The following ADGRL3 variants were observed in gnomAD, a reference collection of about 807,000 sequenced individuals.
The protein encoded by ADGRL3 is calcium-independent alpha-latrotoxin receptor 3.
In ADGRL3, 62 loss-of-function variants were observed where a neutral mutation model predicts 153.5. The ratio of observed to expected loss-of-function variants is 0.40; its 90% CI spans 0.33 to 0.50. The LOEUF (loss-of-function observed/expected upper bound fraction) is 0.50, where lower values mean the gene tolerates loss of function less well. Ranked by LOEUF, ADGRL3 falls within the 20% of genes least tolerant of loss-of-function variation. ADGRL3 has a pLI of 0.47. For synonymous variants in ADGRL3, 710 were observed against 672.5 expected, an observed-to-expected ratio of 1.06 and a Z score of -0.86; for missense variants, 1,641 against 1,859.4, an observed-to-expected ratio of 0.88 and a Z score of 2.16.
intron 1 of ADGRL3, among the ~76,000 whole-genome samples, chr4:61,297,873 A>G (rs986071854): frequency 6.6e-6 from 1 of 152,040 alleles, no homozygotes; most frequent in African/African-American, 2.4e-5. Context: ...CACTGCTACT[A>G]CTACTGACCA....
chr4:61,506,582 G>T (rs557557576), intron 3 of ADGRL3, among the ~76,000 whole-genome samples: 1 of 152,212 alleles, frequency 6.6e-6, no homozygotes, highest in African/African-American at 2.4e-5. Context: ...GCTATTCAAA[G>T]TGCAATTCTG....
chr4:61,758,968 G>T (rs1396227415), intron 8 of ADGRL3, among the ~76,000 whole-genome samples: 4 of 152,038 alleles, frequency 2.6e-5, no homozygotes, highest in South Asian at 2.1e-4. Flanking sequence ...TGAAATTCTG[G>T]GTTGAAAATT....
chr4:61,641,758 T>C (rs75200406), intron 5 of ADGRL3, among the ~76,000 whole-genome samples: 55,635 of 150,840 alleles, frequency 0.37, 11,891 homozygotes, highest in Non-Finnish European at 0.5. Flanking sequence ...CGTGTGCATG[T>C]GTCTTTATAG....
chr4:61,656,809 T>A (rs534609846), intron 5 of ADGRL3, among the ~76,000 whole-genome samples: 2 of 152,294 alleles, frequency 1.3e-5, no homozygotes, highest in East Asian at 3.9e-4. Context: ...TGCTTGCTAG[T>A]TGACTAATTG....
intron 5 of ADGRL3, among the ~76,000 whole-genome samples, chr4:61,634,597 C>T (rs1190531494): frequency 6.6e-6 from 1 of 151,940 alleles, no homozygotes; most frequent in Non-Finnish European, 1.5e-5. Flanking sequence ...TCAAAACACA[C>T]AGCTCCGAAG....
chr4:61,668,659 C>T (rs748849916), intron 5 of ADGRL3, among the ~76,000 whole-genome samples: 3 of 152,090 alleles, frequency 2.0e-5, no homozygotes. Flanking sequence ...CATGCATTGG[C>T]ATAATGTCCT....
In ADGRL3 at chr4:62,063,557, T is replaced by A. The variant is rs901669641; in HGVS notation, c.3815-4609T>A. ...ATGCTCTGCTTCGTCCGCATGGTAC[T>A]AACAATCCCTATAATACATTGCTTG... On this transcript the variant is annotated intron_variant, in intron 25 of 26. Coordinates refer to ENST00000683033, the MANE Select transcript of ADGRL3 (RefSeq NM_001387552.1). The A allele has an allele frequency of 5.7e-6, 4 of 700,370 alleles. No individual in the cohort carries two copies. The African/African-American group carries it at 7.0e-5, about 12-fold the overall frequency. 43.4% of individuals were successfully genotyped at this position (700,370 alleles called of 1,614,324 possible). A position where few individuals can be genotyped will look rare whatever the true frequency, so the allele number is the denominator to read the frequency against.
chr4:61,329,647 A>G (rs1578291240), intron 1 of ADGRL3, among the ~76,000 whole-genome samples: 1 of 152,306 alleles, frequency 6.6e-6, no homozygotes, highest in African/African-American at 2.4e-5. Flanking sequence ...ATTGATGTTC[A>G]GTAAACTGTT....
chr4:61,787,611 G>A (rs889229003), intron 8 of ADGRL3, among the ~76,000 whole-genome samples: 5 of 152,030 alleles, frequency 3.3e-5, no homozygotes, highest in African/African-American at 9.7e-5. Flanking sequence ...TTTTCCGCTA[G>A]TTTATCAGTA....
In ADGRL3 at chr4:61,732,920, C is replaced by T. The variant is rs1189042495; in HGVS notation, c.765C>T (p.Ser255=). The part of the protein sequence containing the change: ...YRTDTLTEYS[S]KDDFIAGRPT... Reference sequence around the variant, plus strand: ...CTGATACCCTGACTGAGTATTCATCCAAGGATGACTTCATTGCTGGAAGAC... The same window carrying T: ...CTGATACCCTGACTGAGTATTCATCTAAGGATGACTTCATTGCTGGAAGAC... Residue 255 remains serine, a synonymous_variant, in exon 8 of 27, where the codon TCC becomes TCT. Coordinates refer to ENST00000683033, the MANE Select transcript of ADGRL3 (RefSeq NM_001387552.1). 6.2e-7 allele frequency: 1 copy of T among 1,613,516 alleles called. No homozygotes were observed. The highest frequency in any genetic ancestry group is 2.2e-5 in the East Asian group (1 of 44,876).
At chr4:61,398,587 G>A (rs555766479) in intron 2 of ADGRL3, among the ~76,000 whole-genome samples, 5 of 151,112 alleles carry the variant, frequency 3.3e-5, no homozygotes, top group Non-Finnish European at 7.4e-5. Context: ...CTTCTTTTTT[G>A]CCTTTCCTGT....
chr4:61,960,644 G>A (rs975690482), intron 17 of ADGRL3, among the ~76,000 whole-genome samples: 2 of 152,150 alleles, frequency 1.3e-5, no homozygotes, highest in Non-Finnish European at 2.9e-5. Flanking sequence ...ATGCCCATGT[G>A]CAGATCCTAA....
At chr4:61,619,516 T>TACAC (rs34015455) in intron 5 of ADGRL3, among the ~76,000 whole-genome samples, 2,910 of 149,508 alleles carry the variant, frequency 0.019, 68 homozygotes, top group South Asian at 0.059. Context: ...GAATGTGAGA[T>TACAC]ACACACACAC....
chr4:61,374,628 C>T lies in ADGRL3; in HGVS notation c.-239-8496C>T, dbSNP rs59827978. Among the ~76,000 whole-genome samples, 702 of 151,714 alleles carry T rather than the reference C, an allele frequency of 4.6e-3. 5 individuals are homozygous for T. The highest frequency in any genetic ancestry group is 0.016 in the African/African-American group (671 of 41,416). On this transcript the variant is annotated intron_variant, in intron 1 of 26. Transcript: ENST00000683033. ...CACTACAGGCAATGTGGGAAGGGGG[C>T]AGAGAAAAAAGGAGAAAGCAGAATG...
At chr4:61,454,555 A>C (rs1158994837) in intron 2 of ADGRL3, among the ~76,000 whole-genome samples, 1 of 152,140 alleles carries the variant, frequency 6.6e-6, no homozygotes, top group Non-Finnish European at 1.5e-5. Flanking sequence ...AGTTAACATG[A>C]ATAAATCATA....
At chr4:61,619,937 T>G (rs961270168) in intron 5 of ADGRL3, among the ~76,000 whole-genome samples, 9 of 152,202 alleles carry the variant, frequency 5.9e-5, no homozygotes, top group Non-Finnish European at 1.2e-4. Context: ...AAATTTCATC[T>G]GTGTCAAGTT....
At chr4:61,459,361 A>C (rs1342433034) in intron 2 of ADGRL3, among the ~76,000 whole-genome samples, 1 of 152,012 alleles carries the variant, frequency 6.6e-6, no homozygotes, top group Non-Finnish European at 1.5e-5. Flanking sequence ...TTAATGAAAA[A>C]TGCTATGGAG....
intron 9 of ADGRL3, among the ~76,000 whole-genome samples, chr4:61,831,710 T>A (rs1561322141): frequency 6.6e-6 from 1 of 152,054 alleles, no homozygotes; most frequent in African/African-American, 2.4e-5. Context: ...GGAAGATACT[T>A]TAATAGCCAA....
At chr4:61,991,675 A>G (rs2099104321) in intron 19 of ADGRL3, among the ~76,000 whole-genome samples, 1 of 151,852 alleles carries the variant, frequency 6.6e-6, no homozygotes, top group East Asian at 1.9e-4. Context: ...ACTTGCTTGC[A>G]AAGCATTTCA....
Sources: allele counts gnomAD v4.1 joint callset (sites outside exome capture counted in the v4.1 genomes callset), GRCh38; gene constraint gnomAD v4.1.1; transcripts MANE v1.5; gene names NCBI Gene and HGNC (gene_info 2026-07-23, HGNC 2026-07-21).